NTRK1: variants seen among roughly 807,000 people sequenced by gnomAD.
NTRK1 encodes the protein neurotrophic receptor tyrosine kinase 1, also known as high affinity nerve growth factor receptor.
A neutral mutation model predicts 86.8 loss-of-function variants in NTRK1; 62 were observed. The ratio of observed to expected loss-of-function variants is 0.71; its 90% CI spans 0.58 to 0.88. The LOEUF (loss-of-function observed/expected upper bound fraction) is 0.88. Among genes scored for constraint, NTRK1 ranks in the 40% least tolerant of loss-of-function variants. The pLI is 0.00. For synonymous variants in NTRK1, 469 were observed against 456.6 expected (o/e 1.03, Z -0.35); for missense variants, 967 against 1,078.4 (o/e 0.90, Z 1.45).
intron 2 of NTRK1, chr1:156,849,463 G>T: frequency 6.2e-7 from 1 of 1,610,442 alleles, no homozygotes; most frequent in Non-Finnish European, 8.5e-7. Context: ...TGTAGTTCCT[G>T]GGGGAGGCCA....
At chr1:156,846,117 G>A in intron 2 of NTRK1, 1 of 1,591,944 alleles carries the variant, frequency 6.3e-7, no homozygotes, top group Non-Finnish European at 8.6e-7. Flanking sequence ...GGCACCGTGG[G>A]AGCTAGGAGT....
chr1:156,874,331 G>A (rs2102908558), intron 8 of NTRK1, 52 bp from the exon 9 acceptor site: 1 of 1,611,342 alleles, frequency 6.2e-7, no homozygotes, highest in Admixed American at 1.7e-5. Flanking sequence ...TCCTCCCTCT[G>A]ACTGCTTTCT....
At chr1:156,863,191 C>T (rs545700756) in intron 1 of NTRK1, among the ~76,000 whole-genome samples, 4 of 152,232 alleles carry the variant, frequency 2.6e-5, no homozygotes, top group African/African-American at 4.8e-5. Flanking sequence ...CCCCTAGCCC[C>T]GAATGCCTAC....
intron 2 of NTRK1, chr1:156,844,615 C>G: frequency 6.2e-7 from 1 of 1,614,152 alleles, no homozygotes; most frequent in Non-Finnish European, 8.5e-7. Flanking sequence ...ACACACAGCA[C>G]TGTGGCCTCC....
At position 156,879,195 on chromosome 1, in the gene NTRK1, C is replaced by T. The variant is rs2102924429; in HGVS notation, c.1879C>T (p.Leu627=). The change falls in exon 15 of 17, where the codon CTG becomes TTG. Residue 627 remains leucine (L), a synonymous_variant. Transcript: ENST00000524377. ...VAPGPLGLGQ[L]LAVASQVAAG... The stretch of plus-strand genomic sequence containing the variant: ...TCCAGGCCCCCTGGGTCTGGGGCAG[C>T]TGCTGGCCGTGGCTAGCCAGGTCGC... 6.2e-7 allele frequency: 1 copy of T among 1,613,246 alleles called. No individual in the cohort carries two copies. The highest frequency in any genetic ancestry group is 8.5e-7 in the Non-Finnish European group (1 of 1,179,272).
chr1:156,821,383 A>G (rs1332597209), intron 1 of NTRK1, among the ~76,000 whole-genome samples: 2 of 151,948 alleles, frequency 1.3e-5, no homozygotes, highest in Non-Finnish European at 2.9e-5. Context: ...GATACTTACT[A>G]AAGCTTGTAG....
chr1:156,834,815 A>AG (rs1654557048), intron 1 of NTRK1, among the ~76,000 whole-genome samples: 3 of 96,160 alleles, frequency 3.1e-5, no homozygotes, highest in Admixed American at 1.2e-4. Flanking sequence ...GGCCGGGGAG[A>AG]CGGGGGGTTG....
chr1:156,835,524 G>T (rs1368720973), intron 1 of NTRK1, among the ~76,000 whole-genome samples: 1 of 152,134 alleles, frequency 6.6e-6, no homozygotes, highest in Admixed American at 6.5e-5. Context: ...TAAGCAAAAA[G>T]AAGATATAAA....
intron 2 of NTRK1, chr1:156,853,619 G>A (rs919903448): frequency 1.1e-6 from 1 of 921,878 alleles, no homozygotes. Context: ...TTCCTTACCT[G>A]CCTCATAGGA....
At chr1:156,850,321 C>T (rs905336848) in intron 2 of NTRK1, among the ~76,000 whole-genome samples, 5 of 152,066 alleles carry the variant, frequency 3.3e-5, no homozygotes, top group Non-Finnish European at 7.4e-5. Context: ...AAGTGATTCT[C>T]CTGCCTCAGC....
chr1:156,841,515 CCA>C, intron 1 of NTRK1: 1 of 1,613,994 alleles, frequency 6.2e-7, no homozygotes, highest in Non-Finnish European at 8.5e-7. Context: ...TCCCAGAGTA[CCA>C]CGCCAAAGGA....
chr1:156,847,259 T>C (rs1655045547), intron 2 of NTRK1, among the ~76,000 whole-genome samples: 1 of 152,220 alleles, frequency 6.6e-6, no homozygotes, highest in African/African-American at 2.4e-5. Flanking sequence ...AGAGTGTTCC[T>C]AGCTTCAACA....
At chr1:156,864,236 C>G (rs534784775) in intron 1 of NTRK1, 118 bp from the exon 2 acceptor site, 1 of 915,132 alleles carries the variant, frequency 1.1e-6, no homozygotes, top group Non-Finnish European at 1.8e-6. Context: ...CAGGTCTGAA[C>G]AGGTGCATAT....
At chr1:156,835,131 C>T (rs1368622504) in intron 1 of NTRK1, among the ~76,000 whole-genome samples, 2 of 152,126 alleles carry the variant, frequency 1.3e-5, no homozygotes, top group Admixed American at 6.5e-5. Context: ...AGCTATTGGC[C>T]TCCCTTGGGG....
At chr1:156,880,335 C>T in intron 16 of NTRK1, 178 bp downstream of exon 16, 1 of 674,014 alleles carries the variant, frequency 1.5e-6, no homozygotes, top group South Asian at 1.9e-5. Context: ...TCTCTTCCTC[C>T]CTTATTCTTG....
intron 2 of NTRK1, among the ~76,000 whole-genome samples, chr1:156,853,537 A>G (rs1187381474): frequency 6.6e-6 from 1 of 152,004 alleles, no homozygotes; most frequent in African/African-American, 2.4e-5. Flanking sequence ...CACCTATTCC[A>G]TGATGCCGCC....
chr1:156,873,870 C>G lies in NTRK1; in HGVS notation c.1088C>G (p.Ala363Gly). 1 of 1,598,896 alleles carries G rather than the reference C, an allele frequency of 6.3e-7. No homozygotes were observed. The highest frequency in any genetic ancestry group is 8.5e-7 in the Non-Finnish European group (1 of 1,172,396). The stretch of plus-strand genomic sequence containing the variant: ...AACAACGGCAACTACACGCTGCTGG[C>G]TGCCAACCCCTTCGGCCAGGCCTCC... The part of the protein sequence containing the change: ...HVNNGNYTLL[A>G]ANPFGQASAS... The change falls in exon 8 of 17, where the codon GCT (alanine) becomes GGT (glycine). Residue 363 changes from alanine (A) to glycine (G), a missense_variant. Ala to Gly is a moderately conservative substitution (Grantham distance 60). This residue lies in a region of NTRK1 where 637 missense variants were observed against 776.5 expected (regional missense o/e 0.82). Coordinates refer to ENST00000524377, the MANE Select transcript of NTRK1 (RefSeq NM_002529.4).
chr1:156,822,278 T>A (rs1195583475), intron 1 of NTRK1, among the ~76,000 whole-genome samples: 1 of 152,174 alleles, frequency 6.6e-6, no homozygotes, highest in Non-Finnish European at 1.5e-5. Flanking sequence ...AGAAGGGAGC[T>A]ACAGATCCTG....
At chr1:156,822,501 G>A (rs992503265) in intron 1 of NTRK1, among the ~76,000 whole-genome samples, 1 of 151,478 alleles carries the variant, frequency 6.6e-6, no homozygotes, top group Non-Finnish European at 1.5e-5. Context: ...GTTGGAGGCT[G>A]CAGTGAGCTG....
Sources: gnomAD v4.1 joint callset for allele counts (sites outside exome capture counted in the v4.1 genomes callset) on GRCh38, gnomAD v4.1.1 for gene constraint, gnomAD v4.1.1 regional missense constraint, MANE v1.5 for transcripts, NCBI Gene and HGNC (gene_info 2026-07-23, HGNC 2026-07-21) for gene names.